Variants in DLGAP2 observed in about 807,000 individuals in gnomAD.
DLGAP2 encodes disks large-associated protein 2.
A neutral mutation model predicts 100.3 loss-of-function variants in DLGAP2; 26 were observed. The ratio of observed to expected loss-of-function variants is 0.26; its 90% confidence interval spans 0.19 to 0.36. The LOEUF (loss-of-function observed/expected upper bound fraction) is 0.36, where lower values mean the gene tolerates loss of function less well. Ranked by LOEUF, DLGAP2 falls within the 10% of genes least tolerant of loss-of-function variation. DLGAP2 has a pLI of 1.00. For synonymous variants in DLGAP2, 886 were observed against 630.1 expected (o/e 1.41, Z -6.08); for missense variants, 1,858 against 1,453.2 (o/e 1.28, Z -4.53).
intron 1 of DLGAP2, among the ~76,000 whole-genome samples, chr8:842,261 C>T (rs1226820519): frequency 6.6e-6 from 1 of 152,178 alleles, no homozygotes; most frequent in Non-Finnish European, 1.5e-5. Flanking sequence ...GAACAATACT[C>T]CTTGAGCGAT....
intron 2 of DLGAP2, among the ~76,000 whole-genome samples, chr8:1,118,159 T>C (rs533929227): frequency 6.6e-6 from 1 of 152,308 alleles, no homozygotes; most frequent in East Asian, 1.9e-4. Context: ...CAGAAAGTGC[T>C]TTAATGGCTT....
chr8:863,162 G>T (rs1797425177), intron 1 of DLGAP2, among the ~76,000 whole-genome samples: 1 of 152,206 alleles, frequency 6.6e-6, no homozygotes, highest in Non-Finnish European at 1.5e-5. Flanking sequence ...AGGAGGTTCA[G>T]AGACACAGTG....
intron 3 of DLGAP2, among the ~76,000 whole-genome samples, chr8:1,429,080 G>A (rs1797329263): frequency 6.6e-6 from 1 of 152,198 alleles, no homozygotes; most frequent in Non-Finnish European, 1.5e-5. Context: ...GGCTTCAGAG[G>A]TGAGACAGAA....
chr8:1,535,786 G>A (rs780057334), intron 4 of DLGAP2, among the ~76,000 whole-genome samples: 7 of 152,168 alleles, frequency 4.6e-5, no homozygotes, highest in Non-Finnish European at 8.8e-5. Context: ...GTTGAGCATC[G>A]ATGTGTGCCA....
chr8:761,007 A>T (rs1465161091), intron 1 of DLGAP2, among the ~76,000 whole-genome samples: 4 of 152,194 alleles, frequency 2.6e-5, no homozygotes. Context: ...CGGGGGACAT[A>T]TGAGGACTGG....
intron 2 of DLGAP2, among the ~76,000 whole-genome samples, chr8:1,077,285 C>T (rs1803652150): frequency 6.6e-6 from 1 of 152,130 alleles, no homozygotes; most frequent in Non-Finnish European, 1.5e-5. Flanking sequence ...TAAACGCAAC[C>T]ATGTTGGGAG....
rs1280551669 is a variant in DLGAP2, at chr8:1,175,917, C to T, written c.74-82934C>T. On this transcript the variant is annotated intron_variant, in intron 2 of 14. Coordinates refer to ENST00000637795, the MANE Select transcript of DLGAP2 (RefSeq NM_001346810.2). ...GCCATGGGGAGGTCGCATCCTCCCT[C>T]TCGGCTTTGCCATCTGCAAAGTGAG... is the stretch of plus-strand genomic sequence containing the variant. 2.0e-5 allele frequency among the ~76,000 whole-genome samples: 3 copies of T among 152,218 alleles called. No individual in the cohort carries two copies. In the East Asian group the frequency reaches 5.8e-4, roughly 29 times the overall value.
At chr8:1,669,869 G>A in intron 10 of DLGAP2, 85 bp downstream of exon 10, 1 of 770,760 alleles carries the variant, frequency 1.3e-6, no homozygotes, top group Non-Finnish European at 2.4e-6. Context: ...GACCGCTCTT[G>A]TCGCCTCTGT....
At chr8:994,761 T>A (rs1222088121) in intron 2 of DLGAP2, among the ~76,000 whole-genome samples, 1 of 152,184 alleles carries the variant, frequency 6.6e-6, no homozygotes, top group Non-Finnish European at 1.5e-5. Context: ...AGGTCAGACC[T>A]GCTCCCTTGC....
intron 14 of DLGAP2, among the ~76,000 whole-genome samples, chr8:1,698,470 ACG>A: frequency 6.6e-6 from 1 of 151,046 alleles, no homozygotes; most frequent in South Asian, 2.1e-4. Context: ...GGACAGGTCC[ACG>A]TAAGCCATGC....
intron 2 of DLGAP2, among the ~76,000 whole-genome samples, chr8:1,194,810 C>T (rs1273576390): frequency 6.6e-6 from 1 of 152,188 alleles, no homozygotes; most frequent in African/African-American, 2.4e-5. Context: ...TCCTCTCTGG[C>T]TTGAGGCCAC....
chr8:1,352,124 C>T (rs77362001), intron 3 of DLGAP2, among the ~76,000 whole-genome samples: 1 of 10,852 alleles, frequency 9.2e-5, no homozygotes, highest in Admixed American at 1.3e-3. Context: ...GTGTGTGGAA[C>T]GGCCGTGCGG....
At chr8:1,633,077 G>C in intron 8 of DLGAP2, 31 bp downstream of exon 8, 1 of 1,611,200 alleles carries the variant, frequency 6.2e-7, no homozygotes, top group Non-Finnish European at 8.5e-7. Context: ...GCCTTCCAGC[G>C]GGGACTCTAG....
At chr8:1,119,532 C>T (rs920315993) in intron 2 of DLGAP2, among the ~76,000 whole-genome samples, 1 of 152,178 alleles carries the variant, frequency 6.6e-6, no homozygotes, top group African/African-American at 2.4e-5. Flanking sequence ...TTCAGCAGAT[C>T]GGGGTAGCAG....
chr8:1,594,781 T>C (rs541595102), intron 6 of DLGAP2, among the ~76,000 whole-genome samples: 1 of 152,224 alleles, frequency 6.6e-6, no homozygotes, highest in South Asian at 2.1e-4. Context: ...AAAAATATAG[T>C]TTTTTTAAAA....
chr8:1,349,148 C>T (rs1210955569), intron 3 of DLGAP2, among the ~76,000 whole-genome samples: 1 of 151,214 alleles, frequency 6.6e-6, no homozygotes, highest in Non-Finnish European at 1.5e-5. Context: ...CTTTCCCTTC[C>T]CGTTCACCTA....
chr8:768,562 C>G (rs1563421298), intron 1 of DLGAP2, among the ~76,000 whole-genome samples: 1 of 151,436 alleles, frequency 6.6e-6, no homozygotes, highest in Non-Finnish European at 1.5e-5. Context: ...GTACCTGGGA[C>G]TACAGGCGCT....
At chr8:878,499 C>T (rs1161161244) in intron 1 of DLGAP2, among the ~76,000 whole-genome samples, 6 of 152,080 alleles carry the variant, frequency 3.9e-5, no homozygotes, top group Non-Finnish European at 7.4e-5. Context: ...GAGTATATTT[C>T]TAGGAAAATG....
intron 8 of DLGAP2, among the ~76,000 whole-genome samples, chr8:1,656,847 G>T (rs1051131756): frequency 1.3e-5 from 2 of 152,176 alleles, no homozygotes; most frequent in African/African-American, 2.4e-5. Context: ...ATGTTACACA[G>T]TTCCTTCTGA....
Sources: allele counts gnomAD v4.1 joint callset (sites outside exome capture counted in the v4.1 genomes callset), GRCh38; gene constraint gnomAD v4.1.1; transcripts MANE v1.5; gene names NCBI Gene and HGNC (gene_info 2026-07-23, HGNC 2026-07-21).